The following ATG7 variants were observed in gnomAD, a reference collection of about 807,000 sequenced individuals.
ATG7 encodes ubiquitin-like modifier-activating enzyme ATG7.
Under a neutral mutation model 82.4 loss-of-function variants are expected in ATG7, and 70 were observed. The ratio of observed to expected loss-of-function variants is 0.85; its 90% CI spans 0.70 to 1.04. The LOEUF is 1.04. ATG7 is among the 50% of genes least tolerant of loss of function. The pLI, the probability that ATG7 is intolerant of heterozygous loss-of-function variation, is 0.00. For synonymous variants in ATG7, 287 were observed against 313.0 expected (o/e 0.92, Z 0.88); for missense variants, 792 against 864.3 (o/e 0.92, Z 1.05).
At chr3:11,360,309 G>A (rs984102299) in intron 15 of ATG7, among the ~76,000 whole-genome samples, 2 of 152,206 alleles carry the variant, frequency 1.3e-5, no homozygotes, top group African/African-American at 2.4e-5. Flanking sequence ...GCCTCCCAAA[G>A]TGCTGGGATT....
At chr3:11,439,200 C>T (rs182602053) in intron 20 of ATG7, among the ~76,000 whole-genome samples, 50 of 151,586 alleles carry the variant, frequency 3.3e-4, no homozygotes, top group African/African-American at 1.1e-3. Context: ...TCCCGAGTAG[C>T]AGGGACTACA....
intron 20 of ATG7, among the ~76,000 whole-genome samples, chr3:11,466,936 C>T (rs2086882503): frequency 6.6e-6 from 1 of 152,142 alleles, no homozygotes; most frequent in Non-Finnish European, 1.5e-5. Flanking sequence ...TTGAGATCAG[C>T]CTGACTAACA....
At chr3:11,361,124 C>G (rs1214419857) in intron 16 of ATG7, among the ~76,000 whole-genome samples, 1 of 152,116 alleles carries the variant, frequency 6.6e-6, no homozygotes, top group African/African-American at 2.4e-5. Flanking sequence ...GTCTAAAGAC[C>G]AGATTCCATC....
At chr3:11,505,974 TCA>T in intron 20 of ATG7, among the ~76,000 whole-genome samples, 1 of 152,212 alleles carries the variant, frequency 6.6e-6, no homozygotes. Flanking sequence ...ATCAAGGCAG[TCA>T]CAGTCACAGG....
intron 20 of ATG7, among the ~76,000 whole-genome samples, chr3:11,541,064 TA>T (rs1161913583): frequency 6.6e-6 from 1 of 152,064 alleles, no homozygotes; most frequent in East Asian, 1.9e-4. Context: ...CACACCTGGC[TA>T]ATTTTTTTGT....
chr3:11,421,860 AAAC>A (rs1367948645), intron 19 of ATG7, among the ~76,000 whole-genome samples: 2 of 152,186 alleles, frequency 1.3e-5, no homozygotes, highest in Non-Finnish European at 2.9e-5. Context: ...GCATGCATGA[AAAC>A]AACATTTATC....
intron 11 of ATG7, among the ~76,000 whole-genome samples, chr3:11,333,892 C>T (rs1199750840): frequency 2.0e-5 from 3 of 151,610 alleles, no homozygotes; most frequent in Non-Finnish European, 2.9e-5. Flanking sequence ...GGACCACAGG[C>T]GCCCACTACC....
intron 20 of ATG7, among the ~76,000 whole-genome samples, chr3:11,435,059 G>T (rs1305906611): frequency 6.6e-6 from 1 of 151,968 alleles, no homozygotes; most frequent in Non-Finnish European, 1.5e-5. Flanking sequence ...TAGTGATTTT[G>T]ATTCAAATAT....
At chr3:11,322,029 T>A (rs759787221) in intron 9 of ATG7, among the ~76,000 whole-genome samples, 5 of 152,218 alleles carry the variant, frequency 3.3e-5, no homozygotes, top group Non-Finnish European at 7.3e-5. Flanking sequence ...AAGAAAGTTT[T>A]ACCAGTTCAC....
At chr3:11,490,567 C>A (rs1199044794) in intron 20 of ATG7, among the ~76,000 whole-genome samples, 1 of 152,182 alleles carries the variant, frequency 6.6e-6, no homozygotes, top group African/African-American at 2.4e-5. Flanking sequence ...TTCCTAGCCT[C>A]CATGGTCTTT....
chr3:11,551,969 G>C (rs1035079095), intron 20 of ATG7, among the ~76,000 whole-genome samples: 1 of 151,210 alleles, frequency 6.6e-6, no homozygotes, highest in South Asian at 2.1e-4. Context: ...GGCTGGTCTC[G>C]AACTCCTGAC....
intron 20 of ATG7, among the ~76,000 whole-genome samples, chr3:11,458,263 T>A (rs188326679): frequency 6.6e-6 from 1 of 152,144 alleles, no homozygotes; most frequent in East Asian, 1.9e-4. Flanking sequence ...AGACTTGGGT[T>A]TTTTTGTTTT....
chr3:11,333,272 G>T (rs143307991), intron 11 of ATG7, among the ~76,000 whole-genome samples, 179 bp downstream of exon 11: 15 of 152,258 alleles, frequency 9.9e-5, no homozygotes, highest in African/African-American at 3.4e-4. Flanking sequence ...ATTCAGACTG[G>T]AACAAAGGCA....
At chr3:11,546,756 G>A (rs1013008337) in intron 20 of ATG7, among the ~76,000 whole-genome samples, 2 of 152,196 alleles carry the variant, frequency 1.3e-5, no homozygotes, top group Admixed American at 6.5e-5. Context: ...GGGCCCAATT[G>A]AAAGGTCCCT....
intron 20 of ATG7, among the ~76,000 whole-genome samples, chr3:11,474,409 G>T (rs894534413): frequency 1.3e-5 from 2 of 152,200 alleles, no homozygotes; most frequent in African/African-American, 4.8e-5. Context: ...AGACCAGCCT[G>T]GGCAACATGG....
chr3:11,558,352 G>A (rs1027970078), downstream of ATG7: 17 of 773,650 alleles, frequency 2.2e-5, no homozygotes, highest in African/African-American at 1.8e-4. Flanking sequence ...CGTAGTTCCT[G>A]CTATCATGTT....
chr3:11,285,669 A>C (rs1204306458), intron 3 of ATG7, among the ~76,000 whole-genome samples: 4 of 152,140 alleles, frequency 2.6e-5, no homozygotes, highest in African/African-American at 9.7e-5. Context: ...TCACCATTCT[A>C]ACTTCTGTCA....
chr3:11,438,866 A>C (rs2083604177), intron 20 of ATG7, among the ~76,000 whole-genome samples: 1 of 152,014 alleles, frequency 6.6e-6, no homozygotes, highest in Non-Finnish European at 1.5e-5. Context: ...TCAGCAGTGG[A>C]GGCTTCCCTG....
the ATG7 span, among the ~76,000 whole-genome samples, chr3:11,572,677 A>G: frequency 1.3e-5 from 2 of 152,058 alleles, no homozygotes; most frequent in African/African-American, 4.8e-5. Context: ...ATGCCAGCAC[A>G]CTGTATGTCT....
Sources: allele counts gnomAD v4.1 joint callset (sites outside exome capture counted in the v4.1 genomes callset), GRCh38; gene constraint gnomAD v4.1.1; transcripts MANE v1.5; gene names NCBI Gene and HGNC (gene_info 2026-07-23, HGNC 2026-07-21).